The following CNTN5 variants were observed in gnomAD, a reference collection of about 807,000 sequenced individuals.
CNTN5 encodes contactin-5.
CNTN5 carries 77 observed loss-of-function variants against 129.1 expected under a neutral mutation model. The ratio of observed to expected loss-of-function variants is 0.60; its 90% CI spans 0.50 to 0.72. CNTN5 has a LOEUF of 0.72. Ranked by LOEUF, CNTN5 falls within the 30% of genes least tolerant of loss-of-function variation. CNTN5 has a pLI of 0.00. For missense variants in CNTN5, 1,478 were observed against 1,328.8 expected (o/e 1.11, Z -1.75); for synonymous variants, 509 against 465.6 (o/e 1.09, Z -1.20).
At chr11:99,252,821 T>C (rs1471354785) in intron 1 of CNTN5, among the ~76,000 whole-genome samples, 2 of 152,086 alleles carry the variant, frequency 1.3e-5, no homozygotes, top group Admixed American at 6.6e-5. Context: ...GGAGACATTG[T>C]GTTGCAAATA....
At chr11:99,026,998 C>T (rs1256225654) in intron 1 of CNTN5, among the ~76,000 whole-genome samples, 4 of 151,664 alleles carry the variant, frequency 2.6e-5, no homozygotes, top group South Asian at 4.1e-4. Context: ...CTGCTATACC[C>T]GCATTCTCTT....
At chr11:99,201,010 C>T in intron 1 of CNTN5, among the ~76,000 whole-genome samples, 1 of 141,996 alleles carries the variant, frequency 7.0e-6, no homozygotes, top group East Asian at 2.1e-4. Flanking sequence ...GCCTTCCTTC[C>T]TTCCTTCCTT....
intron 13 of CNTN5, among the ~76,000 whole-genome samples, chr11:100,118,733 C>A (rs1309418832): frequency 6.6e-6 from 1 of 151,704 alleles, no homozygotes; most frequent in Non-Finnish European, 1.5e-5. Context: ...CTTGGGAGTA[C>A]AATAAGCCAT....
intron 16 of CNTN5, among the ~76,000 whole-genome samples, chr11:100,242,697 A>C (rs1310107709): frequency 6.6e-6 from 1 of 152,206 alleles, no homozygotes; most frequent in Non-Finnish European, 1.5e-5. Flanking sequence ...TGCATGATCC[A>C]GTCACCTCCT....
intron 6 of CNTN5, among the ~76,000 whole-genome samples, chr11:99,846,100 A>C (rs1947684722): frequency 6.7e-6 from 1 of 149,838 alleles, no homozygotes; most frequent in African/African-American, 2.5e-5. Flanking sequence ...TATTGCAAAA[A>C]AGATATTGTA....
intron 9 of CNTN5, among the ~76,000 whole-genome samples, chr11:100,027,104 CTG>C (rs762323253): frequency 2.1e-3 from 313 of 152,086 alleles, no homozygotes; most frequent in Non-Finnish European, 3.3e-3. Context: ...GTTATAATAA[CTG>C]TTTTAATGTT....
intron 2 of CNTN5, among the ~76,000 whole-genome samples, chr11:99,551,762 A>G (rs562689822): frequency 1.3e-5 from 2 of 152,266 alleles, no homozygotes; most frequent in African/African-American, 4.8e-5. Flanking sequence ...ATAACACAAT[A>G]AGTATTTGTG....
intron 9 of CNTN5, among the ~76,000 whole-genome samples, chr11:100,003,064 C>CA (rs1267634710): frequency 2.0e-5 from 3 of 151,864 alleles, no homozygotes; most frequent in Non-Finnish European, 2.9e-5. Flanking sequence ...GTAAATATGA[C>CA]AAAAAATCAG....
chr11:100,022,222 C>CTGCTAT (rs1185367113), intron 9 of CNTN5, among the ~76,000 whole-genome samples: 6 of 152,122 alleles, frequency 3.9e-5, no homozygotes, highest in Non-Finnish European at 8.8e-5. Context: ...ATTATTTAAC[C>CTGCTAT]TGCTATTACT....
chr11:99,708,118 A>G (rs1385599025), intron 3 of CNTN5, among the ~76,000 whole-genome samples: 8 of 151,692 alleles, frequency 5.3e-5, no homozygotes, highest in African/African-American at 1.9e-4. Context: ...ACAACTTGTG[A>G]CCTAGACCAC....
intron 1 of CNTN5, among the ~76,000 whole-genome samples, chr11:99,099,159 A>G (rs1306087687): frequency 2.0e-5 from 3 of 152,180 alleles, no homozygotes; most frequent in Non-Finnish European, 4.4e-5. Flanking sequence ...TTTACCAGAT[A>G]AATCAAAAGG....
chr11:99,313,554 C>T (rs1252090445), intron 1 of CNTN5, among the ~76,000 whole-genome samples: 2 of 151,832 alleles, frequency 1.3e-5, no homozygotes, highest in Non-Finnish European at 2.9e-5. Flanking sequence ...TTATGGGGAT[C>T]CTATCTGCTC....
At chr11:99,975,708 C>G (rs183358094) in intron 8 of CNTN5, among the ~76,000 whole-genome samples, 227 of 152,162 alleles carry the variant, frequency 1.5e-3, no homozygotes, top group African/African-American at 4.9e-3. Context: ...CTACCACCCC[C>G]CTGATCCAAT....
At chr11:99,923,740 A>G (rs11221915) in intron 7 of CNTN5, among the ~76,000 whole-genome samples, 21,121 of 142,042 alleles carry the variant, frequency 0.15, 1,552 homozygotes, top group Middle Eastern at 0.19. Context: ...ATATCTGTCT[A>G]TCTAATCTAT....
rs148886831 is a variant in CNTN5 at position 99,588,182 on chromosome 11, A to G, written c.55+31913A>G. ...CACGGTGAAACCCCGTCTCTACTAA[A>G]ACACACAAAAAATTAGCTGGGCCTA... On this transcript the variant is annotated intron_variant, in intron 3 of 24. Coordinates refer to ENST00000524871, the MANE Select transcript of CNTN5 (RefSeq NM_014361.4). Among the ~76,000 whole-genome samples, 663 of 152,206 alleles carry G rather than the reference A, an allele frequency of 4.4e-3. 28 individuals are homozygous for G. In the East Asian group the frequency reaches 0.098, roughly 22 times the overall value.
At chr11:99,662,549 TATA>T (rs1952633328) in intron 3 of CNTN5, among the ~76,000 whole-genome samples, 1 of 152,228 alleles carries the variant, frequency 6.6e-6, no homozygotes, top group African/African-American at 2.4e-5. Flanking sequence ...TTTGCGGTGT[TATA>T]ATAAACACGT....
chr11:99,671,778 G>A (rs1591455837), intron 3 of CNTN5, among the ~76,000 whole-genome samples: 2 of 152,072 alleles, frequency 1.3e-5, no homozygotes, highest in Admixed American at 6.6e-5. Flanking sequence ...GAGAAATTCA[G>A]ATGCTTATTG....
At chr11:100,313,850 A>T (rs1221415468) in intron 21 of CNTN5, among the ~76,000 whole-genome samples, 1 of 152,092 alleles carries the variant, frequency 6.6e-6, no homozygotes, top group Non-Finnish European at 1.5e-5. Flanking sequence ...CCACGTATGA[A>T]TAAAAAAAGT....
chr11:99,782,927 C>G (rs946176650), intron 3 of CNTN5, among the ~76,000 whole-genome samples: 9 of 151,528 alleles, frequency 5.9e-5, no homozygotes, highest in Non-Finnish European at 1.0e-4. Context: ...GGCAAGGACT[C>G]CATGTCTAAA....
Sources: gnomAD v4.1 joint callset for allele counts (sites outside exome capture counted in the v4.1 genomes callset) on GRCh38, gnomAD v4.1.1 for gene constraint, MANE v1.5 for transcripts, NCBI Gene and HGNC (gene_info 2026-07-23, HGNC 2026-07-21) for gene names.